ZDHHC20: variants seen among roughly 807,000 people sequenced by gnomAD.
ZDHHC20 encodes the protein zDHHC palmitoyltransferase 20.
ZDHHC20 carries 43 observed loss-of-function variants against 57.8 expected under a neutral mutation model. The ratio of observed to expected loss-of-function variants is 0.74; its 90% CI spans 0.58 to 0.96. The LOEUF (loss-of-function observed/expected upper bound fraction) is 0.96, where lower values mean the gene tolerates loss of function less well. Among genes scored for constraint, ZDHHC20 ranks in the 40% least tolerant of loss-of-function variants. The pLI is 0.00. For synonymous variants in ZDHHC20, 157 were observed against 153.0 expected (o/e 1.03, Z -0.19); for missense variants, 391 against 441.1 (o/e 0.89, Z 1.02).
chr13:21,393,242 C>T (rs1384190831), intron 7 of ZDHHC20, among the ~76,000 whole-genome samples: 1 of 151,302 alleles, frequency 6.6e-6, no homozygotes, highest in African/African-American at 2.4e-5. Flanking sequence ...GTGGCTCACA[C>T]CTGTAATCCC....
chr13:21,413,429 C>A (rs991090982), intron 4 of ZDHHC20, among the ~76,000 whole-genome samples: 10 of 152,162 alleles, frequency 6.6e-5, no homozygotes, highest in Non-Finnish European at 1.0e-4. Flanking sequence ...AGAAGAGATT[C>A]ATATTAAAGC....
At chr13:21,422,415 AAATAAT>A (rs1442692973) in intron 2 of ZDHHC20, among the ~76,000 whole-genome samples, 4 of 152,110 alleles carry the variant, frequency 2.6e-5, no homozygotes, top group Non-Finnish European at 5.9e-5. Flanking sequence ...TTTTCAAATA[AAATAAT>A]AATAATAATT....
chr13:21,404,810 G>A (rs1254648789), intron 4 of ZDHHC20, among the ~76,000 whole-genome samples: 1 of 149,576 alleles, frequency 6.7e-6, no homozygotes, highest in Admixed American at 6.6e-5. Flanking sequence ...AAAGGGAAAA[G>A]AATATATATT....
intron 1 of ZDHHC20, among the ~76,000 whole-genome samples, chr13:21,440,328 C>T (rs1029629211): frequency 2.0e-5 from 3 of 151,890 alleles, no homozygotes; most frequent in East Asian, 1.9e-4. Context: ...ATTTAAGATA[C>T]GGCAGGTGCA....
At chr13:21,434,126 G>A (rs951546379) in intron 1 of ZDHHC20, among the ~76,000 whole-genome samples, 3 of 151,898 alleles carry the variant, frequency 2.0e-5, no homozygotes, top group African/African-American at 4.8e-5. Flanking sequence ...GTGTGTGTGC[G>A]TGCACACCAT....
rs1017382182 is a variant in ZDHHC20 at position 21,431,094 on chromosome 13, C to T, written c.119-5416G>A. On this transcript the variant is annotated intron_variant, in intron 1 of 12. Transcript: ENST00000400590. ...TATGATTACTCGTGTATTCACCAAGCCTTTGGGTGGACATAATATTTTTGT... is the reference window on the plus strand; with the variant it reads ...TATGATTACTCGTGTATTCACCAAGTCTTTGGGTGGACATAATATTTTTGT... 2.0e-5 allele frequency among the ~76,000 whole-genome samples: 3 copies of T among 152,148 alleles called. No homozygotes were observed. The South Asian group carries it at 6.2e-4, about 32-fold the overall frequency.
chr13:21,458,764 AGACCCCCGGTGTC>A (rs1446196507), intron 1 of ZDHHC20, among the ~76,000 whole-genome samples: 1 of 152,232 alleles, frequency 6.6e-6, no homozygotes, highest in Non-Finnish European at 1.5e-5. Flanking sequence ...AGAAGGATGC[AGACCCCCGGTGTC>A]GGCGGGAACC....
rs1877430362 is a variant in ZDHHC20, at chr13:21,400,272, A to G, written c.594+101T>C. 1.1e-5 allele frequency: 13 copies of G among 1,160,618 alleles called. No individual in the cohort carries two copies. In the East Asian group the frequency reaches 3.8e-4, roughly 34 times the overall value. The allele number at this position is 1,160,618 out of a possible 1,614,324, so 71.9% of individuals were successfully genotyped here. ...GATTTATAAAACTCTAACTTGTAAA[A>G]TTAAAGTATATCTACTTGTCATAAA... On this transcript the variant is annotated intron_variant, in intron 7 of 12. Coordinates refer to ENST00000400590, the MANE Select transcript of ZDHHC20 (RefSeq NM_001330059.2).
rs1348490765 is a variant in ZDHHC20 at position 21,375,326 on chromosome 13, A to G, written c.*1370T>C. 1 of 369,300 alleles carries G rather than the reference A, an allele frequency of 2.7e-6. No homozygotes were observed. Among genetic ancestry groups the G allele is most frequent in the Non-Finnish European group, 5.3e-6 (1 of 188,280 alleles). The allele number at this position is 369,300 out of a possible 1,614,324, so 22.9% of individuals were successfully genotyped here. A position where few individuals can be genotyped will look rare whatever the true frequency, so the allele number is the denominator to read the frequency against. On this transcript the variant is annotated 3_prime_UTR_variant, in exon 13 of 13. Coordinates refer to ENST00000400590, the MANE Select transcript of ZDHHC20 (RefSeq NM_001330059.2). ...GATTCATCTCCACCCACTCACTGGA[A>G]GCAATCAATTATTTTGGGGGGGGTG...
At chr13:21,422,283 A>G (rs1230163202) in intron 2 of ZDHHC20, among the ~76,000 whole-genome samples, 1 of 151,846 alleles carries the variant, frequency 6.6e-6, no homozygotes, top group Non-Finnish European at 1.5e-5. Flanking sequence ...AAGAAAAGAA[A>G]GACCAAGAAC....
chr13:21,383,397 C>T (rs947491835), intron 9 of ZDHHC20, among the ~76,000 whole-genome samples: 4 of 152,198 alleles, frequency 2.6e-5, no homozygotes, highest in Non-Finnish European at 4.4e-5. Flanking sequence ...AGTTGCTTCT[C>T]CTTGCCTTCC....
intron 9 of ZDHHC20, among the ~76,000 whole-genome samples, chr13:21,383,682 T>A (rs1361382113): frequency 6.6e-6 from 1 of 152,194 alleles, no homozygotes; most frequent in Non-Finnish European, 1.5e-5. Flanking sequence ...AGGCTCAAAC[T>A]GAAATTCATG....
rs1224445376 is a variant in ZDHHC20, at chr13:21,448,587, G to A, written c.118+10467C>T. On this transcript the variant is annotated intron_variant, in intron 1 of 12. Transcript: ENST00000400590. ...GCCCGGCCAGCCGCCCCGTCCGGGA[G>A]GGAGGTGGGGGGGTCAGCCCCCTGC... is the stretch of plus-strand genomic sequence containing the variant. Among the ~76,000 whole-genome samples, 2 of 91,704 alleles carry A rather than the reference G, an allele frequency of 2.2e-5. 1 individual carries two copies. The highest frequency in any genetic ancestry group is 7.1e-5 in the African/African-American group (2 of 28,108). 60.2% of individuals were successfully genotyped at this position (91,704 alleles called of 152,430 possible).
intron 3 of ZDHHC20, among the ~76,000 whole-genome samples, chr13:21,414,651 G>A (rs954494304): frequency 8.6e-5 from 13 of 151,664 alleles, no homozygotes; most frequent in East Asian, 1.9e-4. Context: ...GATTACAGGC[G>A]TGAGCCACCG....
intron 3 of ZDHHC20, among the ~76,000 whole-genome samples, chr13:21,420,859 G>C (rs1208867700): frequency 2.0e-5 from 3 of 152,076 alleles, no homozygotes; most frequent in Admixed American, 6.6e-5. Context: ...TTTCTATACC[G>C]CTGAACTTTT....
intron 10 of ZDHHC20, chr13:21,381,773 A>C: frequency 1.7e-6 from 1 of 578,954 alleles, no homozygotes; most frequent in Non-Finnish European, 3.1e-6. Flanking sequence ...CTGCCAATGA[A>C]AACAATTAGT....
intron 7 of ZDHHC20, among the ~76,000 whole-genome samples, chr13:21,397,264 T>A (rs1276061636): frequency 1.3e-5 from 2 of 151,474 alleles, no homozygotes; most frequent in African/African-American, 4.9e-5. Flanking sequence ...AAGTGGAGGT[T>A]GCAGTGAGCC....
intron 1 of ZDHHC20, among the ~76,000 whole-genome samples, chr13:21,436,633 G>C (rs940328608): frequency 1.3e-5 from 2 of 152,168 alleles, no homozygotes; most frequent in African/African-American, 4.8e-5. Context: ...CCACTGACCA[G>C]ACATTCCTCT....
Position 21,459,072 on chromosome 13 carries a change from C to G in ZDHHC20, c.100G>C (p.Val34Leu), listed in dbSNP as rs747402218. 6.2e-7 allele frequency: 1 copy of G among 1,604,590 alleles called. No homozygotes were observed. Among genetic ancestry groups the G allele is most frequent in the Admixed American group, 1.7e-5 (1 of 59,200 alleles). Residue 34 changes from valine (V) to leucine (L), a missense_variant, in exon 1 of 13, where the codon GTG becomes CTG. Val to Leu is a conservative substitution (Grantham distance 32, BLOSUM62 1). Around this residue, in one of 3 missense-constraint regions of ZDHHC20, gnomAD observed 185 missense variants for 188.0 expected, o/e 0.98. Coordinates refer to ENST00000400590, the MANE Select transcript of ZDHHC20 (RefSeq NM_001330059.2). ...TACTCACACACGCAGAGCTCCACCA[C>G]GTACGCGTAGTAGGACCAGACGACC... ...FVVVWSYYAYVVELCVFTIFG... is the reference protein window; with the variant it reads ...FVVVWSYYAYLVELCVFTIFG...
Sources: gnomAD v4.1 joint callset for allele counts (sites outside exome capture counted in the v4.1 genomes callset) on GRCh38, gnomAD v4.1.1 for gene constraint, gnomAD v4.1.1 regional missense constraint, MANE v1.5 for transcripts, NCBI Gene and HGNC (gene_info 2026-07-23, HGNC 2026-07-21) for gene names.